Variants in ATP6V1G3 observed in about 807,000 individuals in gnomAD.
ATP6V1G3 encodes the protein V-type proton ATPase subunit G 3.
Under a neutral mutation model 9.3 loss-of-function variants are expected in ATP6V1G3, and 9 were observed. The observed-to-expected ratio is 0.97, with a 90% CI of 0.59 to 1.69. The LOEUF is 1.69. ATP6V1G3 is among the 40% of genes most tolerant of loss of function. The pLI is 0.00. For synonymous variants in ATP6V1G3, 43 were observed against 43.8 expected, an observed-to-expected ratio of 0.98 and a Z score of 0.07; for missense variants, 133 against 139.0, an observed-to-expected ratio of 0.96 and a Z score of 0.22.
intron 1 of ATP6V1G3, among the ~76,000 whole-genome samples, chr1:198,530,245 C>G (rs1022924122): frequency 6.6e-6 from 1 of 151,954 alleles, no homozygotes; most frequent in Non-Finnish European, 1.5e-5. Context: ...TTCTGTCAAC[C>G]ATTTGTTATA....
At chr1:198,525,835 T>C (rs1432201344) in intron 2 of ATP6V1G3, among the ~76,000 whole-genome samples, 1 of 152,120 alleles carries the variant, frequency 6.6e-6, no homozygotes, top group African/African-American at 2.4e-5. Context: ...CAGCTGTTAA[T>C]ATTAGTTGAA....
At chr1:198,525,704 C>A (rs1248000371) in intron 2 of ATP6V1G3, among the ~76,000 whole-genome samples, 1 of 151,980 alleles carries the variant, frequency 6.6e-6, no homozygotes, top group Non-Finnish European at 1.5e-5. Flanking sequence ...CATACTAAGT[C>A]TTTGGAATCT....
At chr1:198,537,888 G>T (rs1005890055) in intron 1 of ATP6V1G3, among the ~76,000 whole-genome samples, 1 of 152,132 alleles carries the variant, frequency 6.6e-6, no homozygotes, top group Non-Finnish European at 1.5e-5. Context: ...ATAACATACT[G>T]GTATATAAGG....
chr1:198,527,746 C>CT (rs1659715468), intron 2 of ATP6V1G3, among the ~76,000 whole-genome samples: 1 of 152,054 alleles, frequency 6.6e-6, no homozygotes, highest in South Asian at 2.1e-4. Context: ...AGAAATGATT[C>CT]TTTTGGTGTT....
chr1:198,536,732 CA>C, intron 1 of ATP6V1G3: 6 of 1,600,522 alleles, frequency 3.7e-6, no homozygotes, highest in Non-Finnish European at 4.3e-6. Context: ...GAACTTACAG[CA>C]GGGGTAAAAA....
chr1:198,540,548 C>A, intron 1 of ATP6V1G3, 21 bp downstream of exon 1: 2 of 1,606,016 alleles, frequency 1.2e-6, no homozygotes, highest in Non-Finnish European at 1.7e-6. Context: ...TCGTGACAGA[C>A]CCCTCACAGG....
intron 1 of ATP6V1G3, among the ~76,000 whole-genome samples, chr1:198,530,870 AT>A (rs1323523140): frequency 2.6e-5 from 4 of 151,940 alleles, no homozygotes; most frequent in African/African-American, 4.8e-5. Flanking sequence ...TAATGTATTG[AT>A]TTTTTTTAGT....
intron 1 of ATP6V1G3, among the ~76,000 whole-genome samples, chr1:198,530,633 A>T (rs1318761943): frequency 1.3e-5 from 2 of 152,148 alleles, no homozygotes; most frequent in East Asian, 3.9e-4. Flanking sequence ...ATTAATAGCA[A>T]TGCTTATCTT....
intron 1 of ATP6V1G3, among the ~76,000 whole-genome samples, chr1:198,531,861 G>GA (rs543322700): frequency 1.3e-5 from 2 of 151,646 alleles, no homozygotes; most frequent in South Asian, 2.1e-4. Context: ...GGAGGGATTA[G>GA]AAAAAAATGT....
At chr1:198,531,065 T>C (rs1188228672) in intron 1 of ATP6V1G3, among the ~76,000 whole-genome samples, 1 of 152,108 alleles carries the variant, frequency 6.6e-6, no homozygotes, top group Admixed American at 6.6e-5. Flanking sequence ...AGCACTCCAC[T>C]AAGAGGCTGT....
upstream of ATP6V1G3, chr1:198,540,839 A>G: frequency 1.6e-6 from 1 of 615,072 alleles, no homozygotes; most frequent in South Asian, 2.0e-5. Flanking sequence ...ATCTAGAAAA[A>G]CAAGTTAAAC....
Position 198,529,106 on chromosome 1 carries a change from T to C in ATP6V1G3, c.158A>G (p.Lys53Arg). ...EIDQYRMQRD[K>R]EFRLKQSKIM... ...CTTAGATTGTTTTAGTCGAAACTCTTTATCTCTCTGCATTCTGTACTGGTC... is the reference window on the plus strand; with the variant it reads ...CTTAGATTGTTTTAGTCGAAACTCTCTATCTCTCTGCATTCTGTACTGGTC... The change falls in exon 2 of 3, where the codon AAA becomes AGA. Residue 53 changes from lysine to arginine, a missense_variant. Coordinates refer to ENST00000367382, the MANE Select transcript of ATP6V1G3 (RefSeq NM_001376861.1). The C allele has an allele frequency of 6.5e-7, 1 of 1,542,006 alleles. No individual in the cohort carries two copies. Among genetic ancestry groups the C allele is most frequent in the South Asian group, 1.2e-5 (1 of 84,396 alleles).
At chr1:198,539,301 A>T (rs1438014788) in intron 1 of ATP6V1G3, among the ~76,000 whole-genome samples, 1 of 152,206 alleles carries the variant, frequency 6.6e-6, no homozygotes, top group Middle Eastern at 3.2e-3. Context: ...CATTACGTTT[A>T]AATAATTCAG....
rs1008577699 is a variant in ATP6V1G3, at chr1:198,529,581, G to A, written c.83-400C>T. On this transcript the variant is annotated intron_variant, in intron 1 of 2. Transcript: ENST00000367382. ...ATTATTTGGTCAGATTTTCAGTCTT[G>A]ATTTGCTGCCAGAATCCTTCAGTCC... Among the ~76,000 whole-genome samples the A allele has an allele frequency of 2.0e-5, 3 of 151,990 alleles. No individual in the cohort carries two copies. The East Asian group carries it at 5.8e-4, about 29-fold the overall frequency.
At chr1:198,523,668 T>C (rs748403762) in intron 2 of ATP6V1G3, 104 bp from the exon 3 acceptor site, 2 of 1,050,616 alleles carry the variant, frequency 1.9e-6, no homozygotes, top group Non-Finnish European at 2.7e-6. Context: ...TGCACAATTA[T>C]GTACTCCTTT....
Position 198,536,818 on chromosome 1 carries a change from G to A in ATP6V1G3, c.82+3751C>T, listed in dbSNP as rs377759659. ...CTTACAGTAACATACAAAAATACAT[G>A]ACATATATTAAAAATAAAAATAACT... On this transcript the variant is annotated intron_variant, in intron 1 of 2. Transcript: ENST00000367382. 3.3e-4 allele frequency: 324 copies of A among 975,562 alleles called. 2 individuals are homozygous for A. The African/African-American group carries it at 4.8e-3, about 15-fold the overall frequency. 60.4% of individuals were successfully genotyped at this position (975,562 alleles called of 1,614,324 possible).
chr1:198,525,871 C>G (rs373465138), intron 2 of ATP6V1G3, among the ~76,000 whole-genome samples: 36 of 152,026 alleles, frequency 2.4e-4, no homozygotes, highest in African/African-American at 8.4e-4. Flanking sequence ...TTCAAGACAC[C>G]ATAATCATTT....
At chr1:198,526,555 A>C (rs1231728622) in intron 2 of ATP6V1G3, among the ~76,000 whole-genome samples, 1 of 152,194 alleles carries the variant, frequency 6.6e-6, no homozygotes, top group African/African-American at 2.4e-5. Flanking sequence ...AATTTTCAAA[A>C]TGTCAGTGTT....
intron 1 of ATP6V1G3, among the ~76,000 whole-genome samples, chr1:198,530,004 G>C (rs750100256): frequency 1.1e-4 from 16 of 151,948 alleles, no homozygotes; most frequent in East Asian, 5.8e-4. Context: ...AGTAAGTTTG[G>C]GGGGGGTTAC....
Sources: allele counts gnomAD v4.1 joint callset (sites outside exome capture counted in the v4.1 genomes callset), GRCh38; gene constraint gnomAD v4.1.1; transcripts MANE v1.5; gene names NCBI Gene and HGNC (gene_info 2026-07-23, HGNC 2026-07-21).